Variants in MYO16 observed in about 807,000 individuals in gnomAD.
MYO16 encodes myosin XVI, also known as unconventional myosin-XVI.
Under a neutral mutation model 205.3 loss-of-function variants are expected in MYO16, and 94 were observed. The observed-to-expected ratio is 0.46, with a 90% confidence interval of 0.39 to 0.54. The LOEUF (loss-of-function observed/expected upper bound fraction) is 0.54, where lower values mean the gene tolerates loss of function less well. MYO16 is among the 20% of genes least tolerant of loss of function. MYO16 has a pLI of 0.00. For synonymous variants in MYO16, 988 were observed against 954.0 expected (o/e 1.04, Z -0.66); for missense variants, 2,315 against 2,387.5 (o/e 0.97, Z 0.63).
chr13:109,191,940 A>G lies in MYO16; in HGVS notation c.5415+12307A>G, dbSNP rs1167793658. 7.2e-5 allele frequency among the ~76,000 whole-genome samples: 11 copies of G among 152,194 alleles called. No individual in the cohort carries two copies. The East Asian group carries it at 2.1e-3, about 29-fold the overall frequency. On this transcript the variant is annotated intron_variant, in intron 34 of 34. Transcript: ENST00000457511. ...TAGACATATAGTTCTGTTTCTGCTC[A>G]AGATATCAGAGAGTTGGAGAGAGAC...
At chr13:108,894,383 T>C (rs1241470551) in intron 14 of MYO16, among the ~76,000 whole-genome samples, 1 of 152,184 alleles carries the variant, frequency 6.6e-6, no homozygotes. Context: ...TTGATAATAA[T>C]GGCATCATTG....
At chr13:108,599,582 T>C (rs1878688840) in intron 1 of MYO16, among the ~76,000 whole-genome samples, 1 of 152,126 alleles carries the variant, frequency 6.6e-6, no homozygotes, top group Non-Finnish European at 1.5e-5. Context: ...ATACGTACCA[T>C]ATAGAAGAGC....
At chr13:108,750,930 G>A (rs1395196661) in intron 4 of MYO16, among the ~76,000 whole-genome samples, 1 of 152,208 alleles carries the variant, frequency 6.6e-6, no homozygotes, top group Non-Finnish European at 1.5e-5. Flanking sequence ...GCAAGGGGAG[G>A]AGGCTAGAGT....
chr13:109,140,667 G>T lies in MYO16; in HGVS notation c.4455G>T (p.Ala1485=). The change falls in exon 32 of 35, where the codon GCG becomes GCT. Residue 1485 remains alanine, a synonymous_variant. Transcript: ENST00000457511. The surrounding 1 kb of genome is among the most constrained non-coding windows in gnomAD (Gnocchi z 8.0). The part of the protein sequence containing the change: ...HGASPPLLHR[A]PEDEAAGPPG... ...CATCGCCGCCCCTGCTCCACCGCGCGCCGGAGGACGAGGCGGCGGGGCCCC... is the reference window on the plus strand; with the variant it reads ...CATCGCCGCCCCTGCTCCACCGCGCTCCGGAGGACGAGGCGGCGGGGCCCC... The T allele has an allele frequency of 6.7e-7, 1 of 1,488,454 alleles. No individual in the cohort carries two copies. The highest frequency in any genetic ancestry group is 8.9e-7 in the Non-Finnish European group (1 of 1,123,284). 92.2% of individuals were successfully genotyped at this position (1,488,454 alleles called of 1,614,324 possible). A position where few individuals can be genotyped will look rare whatever the true frequency, so the allele number is the denominator to read the frequency against.
At chr13:108,645,734 G>A (rs72664968) in intron 1 of MYO16, among the ~76,000 whole-genome samples, 25,985 of 144,676 alleles carry the variant, frequency 0.18, 2,784 homozygotes, top group Non-Finnish European at 0.24. Flanking sequence ...ATGAGTGTCT[G>A]AAAGGAATGC....
At chr13:108,527,239 T>C in the MYO16 span, among the ~76,000 whole-genome samples, 1 of 152,294 alleles carries the variant, frequency 6.6e-6, no homozygotes, top group South Asian at 2.1e-4. Context: ...TTTCAATATT[T>C]ATAGGAAGGG....
chr13:109,059,799 A>G (rs1342189168), intron 27 of MYO16, among the ~76,000 whole-genome samples: 2 of 152,044 alleles, frequency 1.3e-5, no homozygotes, highest in Non-Finnish European at 2.9e-5. Context: ...TTCTGTTGCA[A>G]TTACTTTTGG....
chr13:108,830,667 G>A (rs423371), intron 9 of MYO16, among the ~76,000 whole-genome samples: 90,317 of 147,622 alleles, frequency 0.61, 28,476 homozygotes, highest in Middle Eastern at 0.71. Context: ...GCTAGATGAC[G>A]AGTTAGTGGG....
At chr13:108,586,938 GT>G in the MYO16 span, among the ~76,000 whole-genome samples, 1 of 152,188 alleles carries the variant, frequency 6.6e-6, no homozygotes, top group Non-Finnish European at 1.5e-5. Context: ...GAAGGCAGGA[GT>G]TTTCTTTGTT....
At chr13:108,611,956 T>C (rs904641693) in intron 1 of MYO16, among the ~76,000 whole-genome samples, 26 of 147,068 alleles carry the variant, frequency 1.8e-4, no homozygotes, top group Non-Finnish European at 3.3e-4. Flanking sequence ...GCAGGTAATA[T>C]TCTTTTTTTT....
chr13:108,872,714 A>G (rs1379525368), intron 12 of MYO16, among the ~76,000 whole-genome samples: 2 of 151,850 alleles, frequency 1.3e-5, no homozygotes, highest in African/African-American at 4.8e-5. Flanking sequence ...GAATTTGCAT[A>G]TGTATATATA....
At chr13:109,099,118 C>G (rs1034751614) in intron 27 of MYO16, among the ~76,000 whole-genome samples, 3 of 152,260 alleles carry the variant, frequency 2.0e-5, no homozygotes, top group Non-Finnish European at 1.5e-5. Flanking sequence ...AGGCTCTCGT[C>G]TCTTTAGCAA....
intron 23 of MYO16, among the ~76,000 whole-genome samples, chr13:109,023,704 T>TATATATACAAATATATATATATATGC (rs1886238013): frequency 1.9e-5 from 2 of 104,378 alleles, no homozygotes; most frequent in Admixed American, 1.1e-4. Flanking sequence ...TGTATATATG[T>TATATATACAAATATATATATATATGC]ATATATACAA....
intron 16 of MYO16, among the ~76,000 whole-genome samples, chr13:108,950,357 A>C (rs1311410935): frequency 1.3e-5 from 2 of 152,220 alleles, no homozygotes; most frequent in African/African-American, 4.8e-5. Flanking sequence ...AAATTGTTCT[A>C]GTCCAATTAG....
intron 10 of MYO16, among the ~76,000 whole-genome samples, chr13:108,852,225 C>T (rs901522391): frequency 6.6e-6 from 1 of 152,212 alleles, no homozygotes; most frequent in Non-Finnish European, 1.5e-5. Flanking sequence ...AACTTCTCCC[C>T]CCAGCCCCCC....
At chr13:108,935,773 T>C (rs1039811030) in intron 16 of MYO16, among the ~76,000 whole-genome samples, 3 of 151,990 alleles carry the variant, frequency 2.0e-5, no homozygotes, top group Admixed American at 1.3e-4. Context: ...CATAGATGGC[T>C]CTTATTATTT....
At chr13:108,906,864 G>A (rs1344522632) in intron 15 of MYO16, among the ~76,000 whole-genome samples, 1 of 152,140 alleles carries the variant, frequency 6.6e-6, no homozygotes, top group African/African-American at 2.4e-5. Flanking sequence ...CTCCAGAGTA[G>A]GATCCGTCAT....
intron 13 of MYO16, among the ~76,000 whole-genome samples, chr13:108,883,405 C>T (rs1879713100): frequency 6.6e-6 from 1 of 152,158 alleles, no homozygotes; most frequent in East Asian, 1.9e-4. Context: ...ATAAACTTAA[C>T]CTGAAACTCA....
rs115402848 is a variant in MYO16, at chr13:108,902,849, G to A, written c.1777+4716G>A. Among the ~76,000 whole-genome samples the A allele has an allele frequency of 7.8e-3, 1,189 of 152,304 alleles. 13 individuals carry two copies. Among genetic ancestry groups the A allele is most frequent in the African/African-American group, 0.028 (1,145 of 41,572 alleles). Reference sequence around the variant, plus strand: ...TAAGGTTTTGCTTTCTATGGTTTCAGTTACCGGAGTTCAACTGTGGTCCAA... The same window carrying A: ...TAAGGTTTTGCTTTCTATGGTTTCAATTACCGGAGTTCAACTGTGGTCCAA... On this transcript the variant is annotated intron_variant, in intron 15 of 34. Transcript: ENST00000457511.
Sources: gnomAD v4.1 joint callset for allele counts (sites outside exome capture counted in the v4.1 genomes callset) on GRCh38, gnomAD v4.1.1 for gene constraint, Gnocchi (gnomAD v3.1) non-coding constraint, MANE v1.5 for transcripts, NCBI Gene and HGNC (gene_info 2026-07-23, HGNC 2026-07-21) for gene names.